Variants in BNC2 observed in about 807,000 individuals in gnomAD.
BNC2 encodes zinc finger protein basonuclin-2.
A neutral mutation model predicts 76.3 loss-of-function variants in BNC2; 20 were observed. The observed-to-expected ratio is 0.26, with a 90% CI of 0.18 to 0.38. The LOEUF (loss-of-function observed/expected upper bound fraction) is 0.38, where lower values mean the gene tolerates loss of function less well. Ranked by LOEUF, BNC2 falls within the 10% of genes least tolerant of loss-of-function variation. The pLI, the probability that BNC2 is intolerant of heterozygous loss-of-function variation, is 1.00. For missense variants in BNC2, 1,382 were observed against 1,399.8 expected (o/e 0.99, Z 0.20); for synonymous variants, 582 against 514.8 (o/e 1.13, Z -1.77).
At chr9:16,578,147 C>G (rs1005863352) in intron 4 of BNC2, among the ~76,000 whole-genome samples, 1 of 152,100 alleles carries the variant, frequency 6.6e-6, no homozygotes, top group African/African-American at 2.4e-5. Flanking sequence ...TGAATTACCT[C>G]TGTAAAATCT....
chr9:16,610,993 A>G (rs1452644827), intron 3 of BNC2, among the ~76,000 whole-genome samples: 1 of 152,168 alleles, frequency 6.6e-6, no homozygotes, highest in East Asian at 1.9e-4. Context: ...GCTTGGTTTT[A>G]GCATGAAAAC....
chr9:16,780,251 A>C (rs1203107418), intron 1 of BNC2, among the ~76,000 whole-genome samples: 50 of 101,890 alleles, frequency 4.9e-4, no homozygotes, highest in African/African-American at 1.6e-3. Flanking sequence ...AAAAAAAAAA[A>C]AAAAACAAAA....
chr9:16,780,452 G>A (rs965333398), intron 1 of BNC2, among the ~76,000 whole-genome samples: 1 of 150,936 alleles, frequency 6.6e-6, no homozygotes, highest in South Asian at 2.1e-4. Flanking sequence ...GGCGCCTGTA[G>A]TCCCAGCTAC....
chr9:16,641,154 T>C (rs916711520), intron 3 of BNC2, among the ~76,000 whole-genome samples: 2 of 152,214 alleles, frequency 1.3e-5, no homozygotes, highest in Non-Finnish European at 1.5e-5. Flanking sequence ...GAAAAGTTCA[T>C]TCTCAAAGAA....
At chr9:16,468,552 C>T (rs961443488) in intron 5 of BNC2, among the ~76,000 whole-genome samples, 5 of 152,074 alleles carry the variant, frequency 3.3e-5, no homozygotes, top group African/African-American at 7.2e-5. Context: ...TGCACCACCA[C>T]GCCTGGCTAC....
intron 3 of BNC2, among the ~76,000 whole-genome samples, chr9:16,690,142 G>C (rs1274037547): frequency 6.6e-6 from 1 of 152,102 alleles, no homozygotes; most frequent in Admixed American, 6.5e-5. Context: ...CAAGAATATA[G>C]AACCTAAGGG....
rs2118936929 is a variant in BNC2 at position 16,413,793 on chromosome 9, TA to T, written c.*5195del. 6.6e-6 allele frequency: 1 copy of T among 152,322 alleles called. No individual in the cohort carries two copies. The highest frequency in any genetic ancestry group is 2.1e-4 in the South Asian group (1 of 4,816). The allele number at this position is 152,322 out of a possible 1,614,324, so 9.4% of individuals were successfully genotyped here. On this transcript the variant is annotated 3_prime_UTR_variant, in exon 7 of 7. Coordinates refer to ENST00000380672, the MANE Select transcript of BNC2 (RefSeq NM_017637.6). ...TCTGAGGGAAAATGTGAAGAGAAGT[TA>T]CTTACATACCTCATAGAACAGTAAA...
chr9:16,655,852 G>GA (rs1262064875), intron 3 of BNC2, among the ~76,000 whole-genome samples: 3 of 152,188 alleles, frequency 2.0e-5, no homozygotes, highest in African/African-American at 7.2e-5. Context: ...AGGCAGCAAA[G>GA]AACACGTGCT....
chr9:16,463,575 C>T (rs991261148), intron 5 of BNC2, among the ~76,000 whole-genome samples: 2 of 151,798 alleles, frequency 1.3e-5, no homozygotes, highest in Admixed American at 1.3e-4. Flanking sequence ...GGACTACAGG[C>T]GTGAGCCACC....
rs1205278292 is a variant in BNC2 at position 16,417,209 on chromosome 9, G to A, written c.*1780C>T. 1 of 152,462 alleles carries A rather than the reference G, an allele frequency of 6.6e-6. No individual in the cohort carries two copies. Among genetic ancestry groups the A allele is most frequent in the Non-Finnish European group, 1.5e-5 (1 of 68,010 alleles). 9.4% of individuals were successfully genotyped at this position (152,462 alleles called of 1,614,324 possible). A position where few individuals can be genotyped will look rare whatever the true frequency, so the allele number is the denominator to read the frequency against. On this transcript the variant is annotated 3_prime_UTR_variant, in exon 7 of 7. Transcript: ENST00000380672. ...AATGCACACCCTAATGGTTTTGGCTGCAGACTGAACTTGAGTAAATATCAT... is the reference window on the plus strand; with the variant it reads ...AATGCACACCCTAATGGTTTTGGCTACAGACTGAACTTGAGTAAATATCAT...
At chr9:16,517,165 C>T (rs1817467496) in intron 5 of BNC2, among the ~76,000 whole-genome samples, 2 of 152,276 alleles carry the variant, frequency 1.3e-5, no homozygotes, top group South Asian at 4.1e-4. Context: ...GGGTTATTTA[C>T]TGTTGTGTAT....
chr9:16,505,818 C>G (rs1822611700), intron 5 of BNC2, among the ~76,000 whole-genome samples: 1 of 152,012 alleles, frequency 6.6e-6, no homozygotes, highest in African/African-American at 2.4e-5. Context: ...TATTAACACC[C>G]CAAGCAGAAC....
intron 3 of BNC2, among the ~76,000 whole-genome samples, chr9:16,640,802 A>G (rs781450983): frequency 2.0e-5 from 3 of 152,188 alleles, no homozygotes; most frequent in African/African-American, 4.8e-5. Context: ...ACTGGGCATC[A>G]GAACAGCTGC....
chr9:16,431,661 C>T (rs1820910350), intron 6 of BNC2, among the ~76,000 whole-genome samples: 1 of 152,212 alleles, frequency 6.6e-6, no homozygotes, highest in African/African-American at 2.4e-5. Flanking sequence ...TTGAAGACTT[C>T]AGCAGTCACC....
chr9:16,739,377 C>T (rs1824774661), intron 1 of BNC2, among the ~76,000 whole-genome samples: 1 of 152,092 alleles, frequency 6.6e-6, no homozygotes, highest in African/African-American at 2.4e-5. Flanking sequence ...ATTAGGAAGA[C>T]ATTAAAATAG....
intron 3 of BNC2, among the ~76,000 whole-genome samples, chr9:16,608,572 C>G (rs958743538): frequency 1.3e-5 from 2 of 152,140 alleles, no homozygotes; most frequent in East Asian, 1.9e-4. Context: ...GTGGCAAGAT[C>G]ATAGCTCACT....
intron 1 of BNC2, among the ~76,000 whole-genome samples, chr9:16,858,065 A>G (rs1819306104): frequency 6.6e-6 from 1 of 152,166 alleles, no homozygotes; most frequent in Non-Finnish European, 1.5e-5. Context: ...ACTTCACTGG[A>G]CCAGTTATTT....
intron 5 of BNC2, 27 bp from the exon 6 acceptor site, chr9:16,437,551 A>C (rs1370712971): frequency 1.9e-6 from 3 of 1,606,406 alleles, no homozygotes; most frequent in Middle Eastern, 1.6e-4. Context: ...AGAAACAACA[A>C]AGACAAACAC....
chr9:16,712,246 TAATA>T (rs1823871914), intron 3 of BNC2, among the ~76,000 whole-genome samples: 2 of 152,324 alleles, frequency 1.3e-5, no homozygotes, highest in South Asian at 4.1e-4. Flanking sequence ...ATTTAAGCAG[TAATA>T]AATACTGAAT....
Sources: gnomAD v4.1 joint callset for allele counts (sites outside exome capture counted in the v4.1 genomes callset) on GRCh38, gnomAD v4.1.1 for gene constraint, MANE v1.5 for transcripts, NCBI Gene and HGNC (gene_info 2026-07-23, HGNC 2026-07-21) for gene names.